Variants in MREG observed in about 807,000 individuals in gnomAD.
MREG encodes dilute suppressor protein homolog.
In MREG, 31 loss-of-function variants were observed where a neutral mutation model predicts 28.5. The ratio of observed to expected loss-of-function variants is 1.09; its 90% CI spans 0.82 to 1.47. The LOEUF (loss-of-function observed/expected upper bound fraction) is 1.47, where lower values mean the gene tolerates loss of function less well. Among genes scored for constraint, MREG ranks in the 40% most tolerant of loss-of-function variants. The pLI is 0.00. For missense variants in MREG, 256 were observed against 257.4 expected, an observed-to-expected ratio of 0.99 and a Z score of 0.04; for synonymous variants, 106 against 95.2, an observed-to-expected ratio of 1.11 and a Z score of -0.66.
chr2:215,944,817 C>T lies in MREG; in HGVS notation c.*46G>A, dbSNP rs542272365. 1.9e-6 allele frequency: 3 copies of T among 1,538,698 alleles called. No homozygotes were observed. The African/African-American group carries it at 4.1e-5, about 21-fold the overall frequency. ...GTAATTGTCCAACTTTGGTTGACTG[C>T]TGAGTCCTCATGGAAGAATTCCCAT... On this transcript the variant is annotated 3_prime_UTR_variant, in exon 5 of 5. Coordinates refer to ENST00000263268, the MANE Select transcript of MREG (RefSeq NM_018000.3).
intron 2 of MREG, among the ~76,000 whole-genome samples, chr2:215,968,840 C>T (rs1283251165): frequency 6.6e-6 from 1 of 152,222 alleles, no homozygotes; most frequent in African/African-American, 2.4e-5. Flanking sequence ...ACTGCAGCCT[C>T]AACCTCTGAA....
chr2:215,946,348 G>GC (rs771730463), intron 3 of MREG, among the ~76,000 whole-genome samples: 116 of 151,300 alleles, frequency 7.7e-4, no homozygotes, highest in Non-Finnish European at 1.5e-3. Flanking sequence ...CGGTCACATG[G>GC]CCCCCCACGC....
Position 215,968,594 on chromosome 2 carries a change from G to A in MREG, c.256-21481C>T, listed in dbSNP as rs559107158. ...CCTCTACCTCTCAGCCCTGCCCTAC[G>A]CCCAGGGCCTACTGATGCAGTGTTC... On this transcript the variant is annotated intron_variant, in intron 2 of 4. Transcript: ENST00000263268. Among the ~76,000 whole-genome samples the A allele has an allele frequency of 7.2e-5, 11 of 152,034 alleles. No individual in the cohort carries two copies. In the East Asian group the frequency reaches 9.7e-4, roughly 13 times the overall value.
chr2:215,966,100 T>C (rs1692930639), intron 2 of MREG, among the ~76,000 whole-genome samples: 1 of 152,190 alleles, frequency 6.6e-6, no homozygotes, highest in Non-Finnish European at 1.5e-5. Context: ...ACTGTACACC[T>C]TACTTAGACC....
In MREG at chr2:216,013,241, G is replaced by T; in HGVS notation, c.87C>A (p.Pro29=). Reference sequence around the variant, plus strand: ...CCGGGCGGCGCACCCACCTGACGAGGGGCTCCTTCTCAGGCAGGGCGCGCT... The same window carrying T: ...CCGGGCGGCGCACCCACCTGACGAGTGGCTCCTTCTCAGGCAGGGCGCGCT... ...LEERALPEKE[P]LVSDNNPYSS... The change falls in exon 1 of 5, where the codon CCC becomes CCA. Residue 29 remains proline, a synonymous_variant. Transcript: ENST00000263268. The T allele has an allele frequency of 6.5e-7, 1 of 1,549,404 alleles. No individual in the cohort carries two copies.
intron 2 of MREG, among the ~76,000 whole-genome samples, chr2:215,949,331 G>A (rs1165413551): frequency 4.6e-5 from 7 of 151,420 alleles, no homozygotes; most frequent in African/African-American, 9.7e-5. Context: ...AGGCTGAGGC[G>A]GGTGGATCAC....
At chr2:215,961,566 C>T (rs1692791254) in intron 2 of MREG, among the ~76,000 whole-genome samples, 1 of 152,146 alleles carries the variant, frequency 6.6e-6, no homozygotes, top group Non-Finnish European at 1.5e-5. Context: ...GCTGAGATTA[C>T]AGGTGCCCAC....
chr2:216,006,601 C>G (rs1031557274), intron 1 of MREG, among the ~76,000 whole-genome samples: 1 of 152,154 alleles, frequency 6.6e-6, no homozygotes, highest in African/African-American at 2.4e-5. Flanking sequence ...GACCTGGCTC[C>G]GGAAAACCCA....
chr2:216,026,158 G>A (rs1694591686), intron 1 of MREG, among the ~76,000 whole-genome samples: 1 of 152,170 alleles, frequency 6.6e-6, no homozygotes, highest in Non-Finnish European at 1.5e-5. Context: ...TCCATAGAGA[G>A]ACATAACTCC....
At chr2:216,026,339 G>T (rs1032025728) in intron 1 of MREG, among the ~76,000 whole-genome samples, 5 of 151,684 alleles carry the variant, frequency 3.3e-5, no homozygotes, top group African/African-American at 9.7e-5. Flanking sequence ...TTTTAAAATG[G>T]TTACTTCCAT....
downstream of MREG, among the ~76,000 whole-genome samples, chr2:215,941,034 C>T (rs535436479): frequency 3.9e-5 from 6 of 152,262 alleles, no homozygotes; most frequent in South Asian, 2.1e-4. Flanking sequence ...GCTGCAGTTA[C>T]GGTTACTACT....
At position 215,944,976 on chromosome 2, in the gene MREG, C is replaced by A; in HGVS notation, c.532G>T (p.Ala178Ser). The stretch of plus-strand genomic sequence containing the variant: ...GCAAGCTTAAAGAACTCTTCTGCAG[C>A]ATCAAGTGCAATGAGACGGTCCTGC... ...FVVDRLIALD[A>S]AEEFFKLARR... The change falls in exon 5 of 5, where the codon GCT (alanine) becomes TCT (serine). Residue 178 changes from alanine (A) to serine (S), a missense_variant. Physicochemically the swap from Ala to Ser is moderately conservative, Grantham distance 99. Coordinates refer to ENST00000263268, the MANE Select transcript of MREG (RefSeq NM_018000.3). 1 of 1,593,046 alleles carries A rather than the reference C, an allele frequency of 6.3e-7. No homozygotes were observed. The highest frequency in any genetic ancestry group is 8.6e-7 in the Non-Finnish European group (1 of 1,163,368).
chr2:215,990,103 C>T (rs1253820324), intron 2 of MREG, among the ~76,000 whole-genome samples: 1 of 152,042 alleles, frequency 6.6e-6, no homozygotes, highest in Non-Finnish European at 1.5e-5. Context: ...ATAAGATTCA[C>T]CAAGGTTGAA....
intron 1 of MREG, among the ~76,000 whole-genome samples, chr2:216,030,303 G>A (rs141164637): frequency 5.3e-5 from 8 of 152,110 alleles, no homozygotes; most frequent in Non-Finnish European, 1.0e-4. Context: ...TACAGGGCAG[G>A]GGTCGGGGCT....
rs574653904 is a variant in MREG at position 215,954,227 on chromosome 2, C to A, written c.256-7114G>T. ...CTATGATTGGCTTAACCATTCAACT[C>A]TCTTATGAAGACAGGTTGAATCCTT... On this transcript the variant is annotated intron_variant, in intron 2 of 4. Coordinates refer to ENST00000263268, the MANE Select transcript of MREG (RefSeq NM_018000.3). Among the ~76,000 whole-genome samples, 6 of 152,272 alleles carry A rather than the reference C, an allele frequency of 3.9e-5. No homozygotes were observed. In the East Asian group the frequency reaches 1.2e-3, roughly 29 times the overall value.
intron 4 of MREG, 132 bp downstream of exon 4, chr2:215,945,439 A>G: frequency 1.8e-6 from 2 of 1,107,158 alleles, no homozygotes; most frequent in Middle Eastern, 3.1e-4. Flanking sequence ...GGACCACAGC[A>G]TATAATGCCA....
chr2:215,988,263 G>A (rs534282181), intron 2 of MREG, among the ~76,000 whole-genome samples: 1 of 152,260 alleles, frequency 6.6e-6, no homozygotes, highest in South Asian at 2.1e-4. Flanking sequence ...AGCAGGGTGG[G>A]GCGTTGCCTC....
At chr2:215,985,542 T>G (rs1387773988) in intron 2 of MREG, among the ~76,000 whole-genome samples, 1 of 152,242 alleles carries the variant, frequency 6.6e-6, no homozygotes, top group African/African-American at 2.4e-5. Context: ...TGTATTTTTT[T>G]GACACCAAAT....
chr2:216,012,403 C>T (rs1364884997), intron 1 of MREG, among the ~76,000 whole-genome samples: 1 of 152,190 alleles, frequency 6.6e-6, no homozygotes, highest in Non-Finnish European at 1.5e-5. Flanking sequence ...AGCTGTATTA[C>T]GTGAGTTTCA....
Sources: gnomAD v4.1 joint callset for allele counts (sites outside exome capture counted in the v4.1 genomes callset) on GRCh38, gnomAD v4.1.1 for gene constraint, MANE v1.5 for transcripts, NCBI Gene and HGNC (gene_info 2026-07-23, HGNC 2026-07-21) for gene names.